The following CER1 variants were observed in gnomAD, a reference collection of about 807,000 sequenced individuals.
CER1 encodes cerberus.
Under a neutral mutation model 11.8 loss-of-function variants are expected in CER1, and 10 were observed. The observed-to-expected ratio is 0.85, with a 90% confidence interval of 0.52 to 1.44. The LOEUF (loss-of-function observed/expected upper bound fraction) is 1.44. Ranked by LOEUF, CER1 falls within the 40% of genes most tolerant of loss-of-function variation. CER1 has a pLI of 0.00. For synonymous variants in CER1, 141 were observed against 122.3 expected (o/e 1.15, Z -1.01); for missense variants, 431 against 327.0 (o/e 1.32, Z -2.45).
rs141651149 is a variant in CER1 at position 14,722,381 on chromosome 9, T to C, written c.292A>G (p.Arg98Gly). 2.5e-6 allele frequency: 4 copies of C among 1,614,092 alleles called. No homozygotes were observed. Among genetic ancestry groups the C allele is most frequent in the South Asian group, 1.1e-5 (1 of 91,084 alleles). ...KKPEREMHPS[R>G]DSDSEPFPPG... is the part of the protein sequence containing the mutation. ...GGGAAGGGCTCACTATCTGAGTCCC[T>C]GGATGGATGCATTTCTCTCTCAGGC... The change falls in exon 1 of 2, where the codon AGG (arginine) becomes GGG (glycine). Residue 98 changes from arginine (R) to glycine (G), a missense_variant. By Grantham distance (125) the Arg-to-Gly change is moderately radical. Coordinates refer to ENST00000380911, the MANE Select transcript of CER1 (RefSeq NM_005454.3).
chr9:14,719,264 A>C (rs996954788), downstream of CER1, among the ~76,000 whole-genome samples: 2 of 152,078 alleles, frequency 1.3e-5, no homozygotes, highest in Non-Finnish European at 2.9e-5. Context: ...TTTGGCTACC[A>C]GTGATTGTTC....
At chr9:14,717,902 T>A (rs1042082450), downstream of CER1, among the ~76,000 whole-genome samples, 1 of 152,210 alleles carries the variant, frequency 6.6e-6, no homozygotes, top group Non-Finnish European at 1.5e-5. Context: ...CTACTTTATA[T>A]AGTTTTTGTG....
chr9:14,720,428 T>G, intron 1 of CER1, 42 bp from the exon 2 acceptor site: 1 of 1,548,706 alleles, frequency 6.5e-7, no homozygotes, highest in Non-Finnish European at 8.8e-7. Flanking sequence ...TTTGAATTAT[T>G]TCTTTAACAC....
rs767328929 is a variant in CER1, at chr9:14,722,323, T to A, written c.350A>T (p.Asp117Val). The change falls in exon 1 of 2, where the codon GAT becomes GTT. Residue 117 changes from aspartate to valine, a missense_variant. Physicochemically the swap from Asp to Val is radical, Grantham distance 152. Coordinates refer to ENST00000380911, the MANE Select transcript of CER1 (RefSeq NM_005454.3). ...PGTQSLIQPI[D>V]GMKMEKSPLR... Reference sequence around the variant, plus strand: ...AGGAGATTTCTCCATTTTCATTCCATCTATCGGCTGGATGAGGGACTGGGT... The same window carrying A: ...AGGAGATTTCTCCATTTTCATTCCAACTATCGGCTGGATGAGGGACTGGGT... The A allele has an allele frequency of 1.9e-6, 3 of 1,614,096 alleles. No homozygotes were observed. The East Asian group carries it at 6.7e-5, about 36-fold the overall frequency.
Position 14,722,169 on chromosome 9 carries a change from G to T in CER1, c.504C>A (p.Ser168Arg). 3.7e-6 allele frequency: 6 copies of T among 1,612,336 alleles called. No individual in the cohort carries two copies. Among genetic ancestry groups the T allele is most frequent in the Non-Finnish European group, 5.1e-6 (6 of 1,178,996 alleles). ...GCTCTCCCCCCAGAACACATACCTG[G>T]CTGAAGGGCACTGTCCTGCAGGTCT... ...HWETCRTVPF[S>R]QTITHEGCEK... is the part of the protein sequence containing the mutation. Residue 168 changes from serine (S) to arginine (R), a missense_variant, in exon 1 of 2, where the codon AGC (serine) becomes AGA (arginine). Coordinates refer to ENST00000380911, the MANE Select transcript of CER1 (RefSeq NM_005454.3).
In CER1 at chr9:14,722,344, T is replaced by C; in HGVS notation, c.329A>G (p.Gln110Arg). 6.2e-7 allele frequency: 1 copy of C among 1,614,230 alleles called. No homozygotes were observed. Among genetic ancestry groups the C allele is most frequent in the Non-Finnish European group, 8.5e-7 (1 of 1,180,032 alleles). ...TCCATCTATCGGCTGGATGAGGGAC[T>C]GGGTCCCAGGTGGGAAGGGCTCACT... ...SDSEPFPPGT[Q>R]SLIQPIDGMK... Residue 110 changes from glutamine to arginine, a missense_variant, in exon 1 of 2, where the codon CAG becomes CGG. Gln to Arg is a conservative substitution (Grantham distance 43). Coordinates refer to ENST00000380911, the MANE Select transcript of CER1 (RefSeq NM_005454.3).
Position 14,720,008 on chromosome 9 carries a change from C to G in CER1, c.*82G>C. ...CACCTTTCCCTGAAAATGTTATGTA[C>G]CCACTTAACATTTTCAGACTGAATA... On this transcript the variant is annotated 3_prime_UTR_variant, in exon 2 of 2. Transcript: ENST00000380911. 4 of 1,285,178 alleles carry G rather than the reference C, an allele frequency of 3.1e-6. No homozygotes were observed. Among genetic ancestry groups the G allele is most frequent in the Non-Finnish European group, 4.4e-6 (4 of 898,880 alleles). 79.6% of individuals were successfully genotyped at this position (1,285,178 alleles called of 1,614,324 possible). A position where few individuals can be genotyped will look rare whatever the true frequency, so the allele number is the denominator to read the frequency against.
Position 14,720,008 on chromosome 9 carries a change from C to A in CER1, c.*82G>T. The A allele has an allele frequency of 1.6e-6, 2 of 1,285,178 alleles. No individual in the cohort carries two copies. Among genetic ancestry groups the A allele is most frequent in the Non-Finnish European group, 2.2e-6 (2 of 898,880 alleles). The allele number at this position is 1,285,178 out of a possible 1,614,324, so 79.6% of individuals were successfully genotyped here. A position where few individuals can be genotyped will look rare whatever the true frequency, so the allele number is the denominator to read the frequency against. On this transcript the variant is annotated 3_prime_UTR_variant, in exon 2 of 2. Transcript: ENST00000380911. ...CACCTTTCCCTGAAAATGTTATGTA[C>A]CCACTTAACATTTTCAGACTGAATA... is the stretch of plus-strand genomic sequence containing the variant.
downstream of CER1, among the ~76,000 whole-genome samples, chr9:14,718,029 T>G (rs76159395): frequency 2.0e-5 from 3 of 152,330 alleles, no homozygotes; most frequent in East Asian, 5.8e-4. Context: ...TGTTCAACCT[T>G]TGTAAATTGC....
chr9:14,719,556 TGCCTG>T (rs1563779971), downstream of CER1, among the ~76,000 whole-genome samples: 71 of 62,280 alleles, frequency 1.1e-3, no homozygotes, highest in African/African-American at 3.3e-3. Flanking sequence ...CCTGCCTGCC[TGCCTG>T]CCTTCCTTCC....
rs73644840 is a variant in CER1 at position 14,720,015 on chromosome 9, A to T, written c.*75T>A. 1.2e-3 allele frequency: 1,690 copies of T among 1,427,852 alleles called. 20 individuals carry two copies. The African/African-American group carries it at 0.022, about 18-fold the overall frequency. The allele number at this position is 1,427,852 out of a possible 1,614,324, so 88.4% of individuals were successfully genotyped here. A position where few individuals can be genotyped will look rare whatever the true frequency, so the allele number is the denominator to read the frequency against. On this transcript the variant is annotated 3_prime_UTR_variant, in exon 2 of 2. Transcript: ENST00000380911. ...CCCTGAAAATGTTATGTACCCACTTAACATTTTCAGACTGAATAATCAGCA... is the reference window on the plus strand; with the variant it reads ...CCCTGAAAATGTTATGTACCCACTTTACATTTTCAGACTGAATAATCAGCA...
chr9:14,722,489 G>C lies in CER1; in HGVS notation c.184C>G (p.His62Asp), dbSNP rs752154245. 3.9e-5 allele frequency: 63 copies of C among 1,614,058 alleles called. No homozygotes were observed. Among genetic ancestry groups the C allele is most frequent in the Non-Finnish European group, 5.3e-5 (62 of 1,180,034 alleles). Residue 62 changes from histidine (H) to aspartate (D), a missense_variant, in exon 1 of 2, where the codon CAC becomes GAC. By Grantham distance (81) the His-to-Asp change is moderately conservative. Transcript: ENST00000380911. ...EKPDLFVAVPHLVATSPAGEG... is the reference protein window; with the variant it reads ...EKPDLFVAVPDLVATSPAGEG... ...CCTGCAGGGCTGGTGGCTACAAGGT[G>C]TGGCACTGCGACAAACAGATCTGGC...
Position 14,720,396 on chromosome 9 carries a change from A to T in CER1, c.508-10T>A. ...CTTCGTGGGTTATAGTCTAAAAAGC[A>T]AACACATTTCCATTACGTTATTTTG... On this transcript the variant is annotated splice_polypyrimidine_tract_variant and intron_variant, in intron 1 of 1. Coordinates refer to ENST00000380911, the MANE Select transcript of CER1 (RefSeq NM_005454.3). 6.2e-7 allele frequency: 1 copy of T among 1,600,986 alleles called. No homozygotes were observed.
chr9:14,722,152 C>G lies in CER1; in HGVS notation c.507+14G>C, dbSNP rs937689924. 1 of 1,607,710 alleles carries G rather than the reference C, an allele frequency of 6.2e-7. No homozygotes were observed. Among genetic ancestry groups the G allele is most frequent in the Non-Finnish European group, 8.5e-7 (1 of 1,176,630 alleles). The stretch of plus-strand genomic sequence containing the variant: ...CCTGCAAACTCTTACCTGCTCTCCC[C>G]CCAGAACACATACCTGGCTGAAGGG... On this transcript the variant is annotated intron_variant, in intron 1 of 1. Transcript: ENST00000380911.
Position 14,722,245 on chromosome 9 carries a change from G to T in CER1, c.428C>A (p.Pro143Gln). 1.2e-6 allele frequency: 2 copies of T among 1,614,170 alleles called. No individual in the cohort carries two copies. Among genetic ancestry groups the T allele is most frequent in the Non-Finnish European group, 1.7e-6 (2 of 1,180,014 alleles). Reference protein sequence around the residue: ...FWHHFMFRKTPASQGVILPIK... With the variant: ...FWHHFMFRKTQASQGVILPIK... ...GGGCAAGATGACCCCCTGAGAAGCC[G>T]GAGTTTTTCTGAACATGAAGTGGTG... Residue 143 changes from proline to glutamine, a missense_variant, in exon 1 of 2, where the codon CCG (proline) becomes CAG (glutamine). Physicochemically the swap from Pro to Gln is moderately conservative, Grantham distance 76. Transcript: ENST00000380911.
At chr9:14,721,826 C>T (rs1840016864) in intron 1 of CER1, among the ~76,000 whole-genome samples, 1 of 152,102 alleles carries the variant, frequency 6.6e-6, no homozygotes, top group African/African-American at 2.4e-5. Context: ...TCTCAGTTTC[C>T]TAACTGAGGG....
rs551531423 is a variant in CER1 at position 14,721,783 on chromosome 9, A to G, written c.507+383T>C. On this transcript the variant is annotated intron_variant, in intron 1 of 1. Coordinates refer to ENST00000380911, the MANE Select transcript of CER1 (RefSeq NM_005454.3). Reference sequence around the variant, plus strand: ...ACATATTAATAGAGTGCAGAAAGATAGCTACAGAGGAGTTCTGGTGATTAC... The same window carrying G: ...ACATATTAATAGAGTGCAGAAAGATGGCTACAGAGGAGTTCTGGTGATTAC... Among the ~76,000 whole-genome samples, 8 of 152,306 alleles carry G rather than the reference A, an allele frequency of 5.3e-5. No individual in the cohort carries two copies. The East Asian group carries it at 1.5e-3, about 29-fold the overall frequency.
In CER1 at chr9:14,722,210, G is replaced by T. The variant is rs747813903; in HGVS notation, c.463C>A (p.His155Asn). 1 of 1,614,162 alleles carries T rather than the reference G, an allele frequency of 6.2e-7. No homozygotes were observed. Among genetic ancestry groups the T allele is most frequent in the South Asian group, 1.1e-5 (1 of 91,084 alleles). The change falls in exon 1 of 2, where the codon CAT (histidine) becomes AAT (asparagine). Residue 155 changes from histidine to asparagine, a missense_variant. His to Asn is a moderately conservative substitution (Grantham distance 68, BLOSUM62 1). Coordinates refer to ENST00000380911, the MANE Select transcript of CER1 (RefSeq NM_005454.3). ...CTGCAGGTCTCCCAATGTACTTCAT[G>T]GCTTTTGATGGGCAAGATGACCCCC... is the stretch of plus-strand genomic sequence containing the variant. ...SQGVILPIKS[H>N]EVHWETCRTV... is the part of the protein sequence containing the mutation.
At position 14,722,637 on chromosome 9, in the gene CER1, C is replaced by A; in HGVS notation, c.36G>T (p.Leu12=). ...GGTGCCGTGTGGTCTTTCCTAGAGG[C>A]AGGAGTACCAGCAGCTGAAATAAGA... is the stretch of plus-strand genomic sequence containing the variant. ...HLLLFQLLVL[L]PLGKTTRHQD... is the part of the protein sequence containing the mutation. The change falls in exon 1 of 2, where the codon CTG becomes CTT. Residue 12 remains leucine, a synonymous_variant. Transcript: ENST00000380911. 6.2e-7 allele frequency: 1 copy of A among 1,603,724 alleles called. No homozygotes were observed. The highest frequency in any genetic ancestry group is 8.5e-7 in the Non-Finnish European group (1 of 1,179,836).
Sources: gnomAD v4.1 joint callset for allele counts (sites outside exome capture counted in the v4.1 genomes callset) on GRCh38, gnomAD v4.1.1 for gene constraint, MANE v1.5 for transcripts, NCBI Gene and HGNC (gene_info 2026-07-23, HGNC 2026-07-21) for gene names.